RBMS2: variants seen among roughly 807,000 people sequenced by gnomAD.
RBMS2 encodes the protein RNA binding motif single stranded interacting protein 2.
Under a neutral mutation model 58.4 loss-of-function variants are expected in RBMS2, and 38 were observed. The ratio of observed to expected loss-of-function variants is 0.65; its 90% CI spans 0.50 to 0.85. The LOEUF (loss-of-function observed/expected upper bound fraction) is 0.85, where lower values mean the gene tolerates loss of function less well. RBMS2 is among the 40% of genes least tolerant of loss of function. RBMS2 has a pLI of 0.00. For synonymous variants in RBMS2, 151 were observed against 180.7 expected, an observed-to-expected ratio of 0.84 and a Z score of 1.32; for missense variants, 367 against 503.7, an observed-to-expected ratio of 0.73 and a Z score of 2.60.
intron 1 of RBMS2, among the ~76,000 whole-genome samples, chr12:56,533,617 T>C (rs1346761913): frequency 4.6e-5 from 7 of 151,740 alleles, no homozygotes; most frequent in Non-Finnish European, 8.8e-5. Context: ...GGTTTCACCA[T>C]GTTGACCAGG....
At chr12:56,541,107 A>AAAAT (rs1876012348) in intron 1 of RBMS2, among the ~76,000 whole-genome samples, 1 of 151,860 alleles carries the variant, frequency 6.6e-6, no homozygotes, top group South Asian at 2.1e-4. Context: ...ACTCAAAAAA[A>AAAAT]AAAAAAAACC....
chr12:56,573,681 A>T (rs1191406941), intron 5 of RBMS2, among the ~76,000 whole-genome samples: 1 of 151,944 alleles, frequency 6.6e-6, no homozygotes, highest in South Asian at 2.1e-4. Flanking sequence ...TTAGTTATCT[A>T]ATAGTTTTTC....
intron 1 of RBMS2, among the ~76,000 whole-genome samples, chr12:56,546,297 C>T (rs984694174): frequency 7.6e-6 from 1 of 131,492 alleles, no homozygotes; most frequent in Non-Finnish European, 1.6e-5. Context: ...ATGTATAATG[C>T]ATTATAAAAT....
At chr12:56,521,513 T>TTTTG (rs1334847735), upstream of RBMS2, among the ~76,000 whole-genome samples, 3 of 147,052 alleles carry the variant, frequency 2.0e-5, no homozygotes, top group Non-Finnish European at 4.5e-5. Flanking sequence ...TTTTTTTTTT[T>TTTTG]TTTTTTTTTT....
chr12:56,521,818 G>C, upstream of RBMS2: 1 of 564,224 alleles, frequency 1.8e-6, no homozygotes, highest in Non-Finnish European at 3.1e-6. Flanking sequence ...ACGTAAAGGA[G>C]CAGCCCGAGC....
chr12:56,588,892 G>A, intron 12 of RBMS2, 40 bp from the exon 13 acceptor site: 2 of 1,603,712 alleles, frequency 1.2e-6, no homozygotes, highest in Non-Finnish European at 1.7e-6. Context: ...GGTGAGGAAA[G>A]GAATGCGCAA....
At chr12:56,561,620 C>T (rs1237235820) in intron 1 of RBMS2, among the ~76,000 whole-genome samples, 1 of 150,094 alleles carries the variant, frequency 6.7e-6, no homozygotes, top group African/African-American at 2.5e-5. Context: ...CATTCTTCTG[C>T]CTCAACCTCC....
intron 5 of RBMS2, among the ~76,000 whole-genome samples, chr12:56,578,042 C>T (rs1232272295): frequency 6.6e-6 from 1 of 152,136 alleles, no homozygotes; most frequent in Non-Finnish European, 1.5e-5. Flanking sequence ...CCAAGCTGGT[C>T]TTGAACACCT....
At chr12:56,571,163 A>T (rs1882233944) in intron 4 of RBMS2, among the ~76,000 whole-genome samples, 1 of 152,186 alleles carries the variant, frequency 6.6e-6, no homozygotes, top group African/African-American at 2.4e-5. Context: ...AAGGTTTAGG[A>T]GCCTTCAGGG....
At position 56,586,850 on chromosome 12, in the gene RBMS2, G is replaced by C. The variant is rs1216744688; in HGVS notation, c.875G>C (p.Arg292Thr). The C allele has an allele frequency of 1.9e-6, 3 of 1,612,430 alleles. No homozygotes were observed. The highest frequency in any genetic ancestry group is 2.2e-5 in the East Asian group (1 of 44,866). Residue 292 changes from arginine to threonine, a missense_variant and splice_region_variant, in exon 10 of 14, where the codon AGA becomes ACA. Arg to Thr is a moderately conservative substitution (Grantham distance 71). This residue lies in a region of RBMS2 where 220 missense variants were observed against 261.1 expected (regional missense o/e 0.84). Transcript: ENST00000262031. The stretch of plus-strand genomic sequence containing the variant: ...CATTTTTGTTTTTGCTTGTTTTAGA[G>C]AGTGACTCAGACATCTCCTCTACAA... ...YLSSPVSSYQ[R>T]VTQTSPLQVP...
chr12:56,566,382 C>T (rs1881346227), intron 2 of RBMS2, among the ~76,000 whole-genome samples: 1 of 152,202 alleles, frequency 6.6e-6, no homozygotes, highest in Non-Finnish European at 1.5e-5. Flanking sequence ...TTAATATTTT[C>T]ACCCTCCTGG....
Position 56,588,926 on chromosome 12 carries a change from G to A in RBMS2, c.1144-6G>A. 1.2e-6 allele frequency: 2 copies of A among 1,614,106 alleles called. No individual in the cohort carries two copies. Among genetic ancestry groups the A allele is most frequent in the Non-Finnish European group, 1.7e-6 (2 of 1,179,990 alleles). The stretch of plus-strand genomic sequence containing the variant: ...AAGATGACCCCCCTCCTTGGCTATG[G>A]CACAGGAGAGCAGCGGCCAACAGAA... On this transcript the variant is annotated splice_polypyrimidine_tract_variant and splice_region_variant and intron_variant, in intron 12 of 13. Transcript: ENST00000262031.
chr12:56,553,416 C>T (rs539017595), intron 1 of RBMS2, among the ~76,000 whole-genome samples: 1 of 152,172 alleles, frequency 6.6e-6, no homozygotes, highest in Admixed American at 6.6e-5. Flanking sequence ...ACAACCTCCG[C>T]CTCCCAGGTT....
intron 1 of RBMS2, among the ~76,000 whole-genome samples, chr12:56,557,561 A>G (rs1351176751): frequency 6.6e-6 from 1 of 152,152 alleles, no homozygotes; most frequent in Admixed American, 6.6e-5. Context: ...TGTAAGCTCA[A>G]TAAAGGCAGA....
intron 1 of RBMS2, among the ~76,000 whole-genome samples, chr12:56,541,250 T>C (rs904351962): frequency 2.0e-5 from 3 of 152,174 alleles, no homozygotes; most frequent in Non-Finnish European, 4.4e-5. Flanking sequence ...ATTCAGTTGC[T>C]GAATGAACAG....
At position 56,582,126 on chromosome 12, in the gene RBMS2, C is replaced by A; in HGVS notation, c.847C>A (p.Leu283Ile). The A allele has an allele frequency of 6.2e-7, 1 of 1,610,926 alleles. No homozygotes were observed. Among genetic ancestry groups the A allele is most frequent in the Non-Finnish European group, 8.5e-7 (1 of 1,177,238 alleles). ...TGCTCAGTCTGCACTCTCCCCATAC[C>A]TTTCCTCTCCTGTGTCTTCGTATCA... ...MLAQSALSPY[L>I]SSPVSSYQRV... Residue 283 changes from leucine (L) to isoleucine (I), a missense_variant, in exon 9 of 14, where the codon CTT (leucine) becomes ATT (isoleucine). By Grantham distance (5) the Leu-to-Ile change is conservative. This residue lies in a region of RBMS2 where 220 missense variants were observed against 261.1 expected (regional missense o/e 0.84). Coordinates refer to ENST00000262031, the MANE Select transcript of RBMS2 (RefSeq NM_002898.4).
chr12:56,522,941 T>C (rs1206634110), intron 1 of RBMS2, among the ~76,000 whole-genome samples: 1 of 152,184 alleles, frequency 6.6e-6, no homozygotes, highest in Non-Finnish European at 1.5e-5. Context: ...CTCTTTGTGT[T>C]GTAGCTGTTC....
At chr12:56,580,215 A>G (rs189675535) in intron 5 of RBMS2, 5,285 of 363,146 alleles carry the variant, frequency 0.015, 73 homozygotes, top group Middle Eastern at 0.044. Context: ...ACAGGCGTGA[A>G]CCACTGAGCC....
In RBMS2 at chr12:56,595,025, A is replaced by T. The variant is rs1450859850; in HGVS notation, c.*5892A>T. 6.6e-6 allele frequency: 1 copy of T among 152,126 alleles called. No individual in the cohort carries two copies. The highest frequency in any genetic ancestry group is 1.5e-5 in the Non-Finnish European group (1 of 68,020). The allele number at this position is 152,126 out of a possible 1,614,324, so 9.4% of individuals were successfully genotyped here. ...CACTGATCGCCCTAGAATAGTGTGA[A>T]CTCTCCAGATAGGTCCTGCTGTGAT... On this transcript the variant is annotated 3_prime_UTR_variant, in exon 14 of 14. Transcript: ENST00000262031.
Sources: gnomAD v4.1 joint callset for allele counts (sites outside exome capture counted in the v4.1 genomes callset) on GRCh38, gnomAD v4.1.1 for gene constraint, gnomAD v4.1.1 regional missense constraint, MANE v1.5 for transcripts, NCBI Gene and HGNC (gene_info 2026-07-23, HGNC 2026-07-21) for gene names.